The following CNTNAP5 variants were observed in gnomAD, a reference collection of about 807,000 sequenced individuals.
CNTNAP5 encodes contactin associated protein family member 5.
A neutral mutation model predicts 150.2 loss-of-function variants in CNTNAP5; 72 were observed. The observed-to-expected ratio is 0.48, with a 90% CI of 0.40 to 0.58. CNTNAP5 has a LOEUF of 0.58. CNTNAP5 is among the 20% of genes least tolerant of loss of function. The pLI is 0.00. For missense variants in CNTNAP5, 1,636 were observed against 1,626.2 expected, an observed-to-expected ratio of 1.01 and a Z score of -0.10; for synonymous variants, 672 against 619.8, an observed-to-expected ratio of 1.08 and a Z score of -1.25.
intron 7 of CNTNAP5, among the ~76,000 whole-genome samples, chr2:124,475,946 T>C (rs1331702641): frequency 6.6e-6 from 1 of 152,068 alleles, no homozygotes; most frequent in Non-Finnish European, 1.5e-5. Context: ...TTTTAAAAAT[T>C]CTCTATTTTC....
chr2:124,546,207 T>C (rs1017616323), intron 10 of CNTNAP5, among the ~76,000 whole-genome samples: 2 of 152,166 alleles, frequency 1.3e-5, no homozygotes, highest in Non-Finnish European at 2.9e-5. Flanking sequence ...TTCATCATAA[T>C]ACAGGCTCAT....
intron 13 of CNTNAP5, among the ~76,000 whole-genome samples, chr2:124,649,113 G>T (rs976781426): frequency 1.3e-5 from 2 of 152,070 alleles, no homozygotes; most frequent in Non-Finnish European, 2.9e-5. Flanking sequence ...TTCTCAAATG[G>T]ATTACACGCT....
intron 3 of CNTNAP5, among the ~76,000 whole-genome samples, chr2:124,283,239 C>T (rs914203690): frequency 5.3e-5 from 8 of 151,662 alleles, no homozygotes; most frequent in Admixed American, 1.3e-4. Flanking sequence ...AGAGCATTTT[C>T]CCCTCAACAT....
intron 22 of CNTNAP5, among the ~76,000 whole-genome samples, chr2:124,907,274 T>C (rs912223968): frequency 1.3e-5 from 2 of 152,068 alleles, no homozygotes; most frequent in Non-Finnish European, 2.9e-5. Context: ...CAGTGTAGCA[T>C]ATTTAGTAAT....
intron 7 of CNTNAP5, among the ~76,000 whole-genome samples, chr2:124,500,665 G>C (rs1379305335): frequency 1.3e-5 from 2 of 152,152 alleles, no homozygotes; most frequent in African/African-American, 4.8e-5. Context: ...CCTGGCTAGA[G>C]TTAGATCAAG....
At position 124,057,309 on chromosome 2, in the gene CNTNAP5, T is replaced by TCTTA. The variant is rs1681877813; in HGVS notation, c.82+31580_82+31583dup. Among the ~76,000 whole-genome samples the TCTTA allele has an allele frequency of 5.4e-5, 8 of 148,020 alleles. No homozygotes were observed. In the South Asian group the frequency reaches 1.5e-3, roughly 28 times the overall value. On this transcript the variant is annotated intron_variant, in intron 1 of 23. Transcript: ENST00000682447. ...TTTTTTTTTTTTTTTTGAGGTGGAG[T>TCTTA]CTTACTCTGTCACCCAGGCTGGAGT...
intron 13 of CNTNAP5, among the ~76,000 whole-genome samples, chr2:124,699,794 TTCTTTCTTTCTTTC>T (rs1679481572): frequency 1.3e-5 from 2 of 151,998 alleles, no homozygotes; most frequent in African/African-American, 4.8e-5. Flanking sequence ...TTTCTTTCTT[TTCTTTCTTTCTTTC>T]TCTTTCTTTC....
chr2:124,792,375 T>C (rs1218692682), intron 18 of CNTNAP5, among the ~76,000 whole-genome samples: 2 of 152,216 alleles, frequency 1.3e-5, no homozygotes, highest in East Asian at 3.9e-4. Context: ...ACTTGCTAAA[T>C]GTCAGATTTG....
chr2:124,572,316 G>T (rs901854576), intron 11 of CNTNAP5, among the ~76,000 whole-genome samples: 6 of 152,056 alleles, frequency 3.9e-5, no homozygotes, highest in Non-Finnish European at 7.4e-5. Flanking sequence ...CCTGAGGGTG[G>T]TGGGGTGGGA....
At chr2:124,659,469 T>A (rs1471245323) in intron 13 of CNTNAP5, among the ~76,000 whole-genome samples, 1 of 152,244 alleles carries the variant, frequency 6.6e-6, no homozygotes, top group African/African-American at 2.4e-5. Flanking sequence ...TCCCCCACTC[T>A]GCCACTTATT....
chr2:124,101,864 A>G (rs1381700953), intron 1 of CNTNAP5, among the ~76,000 whole-genome samples: 1 of 152,190 alleles, frequency 6.6e-6, no homozygotes, highest in Non-Finnish European at 1.5e-5. Flanking sequence ...CTCCAAATAG[A>G]AAAGGTTGAT....
intron 12 of CNTNAP5, among the ~76,000 whole-genome samples, chr2:124,630,475 C>A (rs1309481245): frequency 6.6e-6 from 1 of 152,152 alleles, no homozygotes; most frequent in African/African-American, 2.4e-5. Flanking sequence ...ATAAAAACCA[C>A]ATGATTATCT....
chr2:124,259,219 G>A (rs1687392410), intron 3 of CNTNAP5, among the ~76,000 whole-genome samples: 1 of 152,048 alleles, frequency 6.6e-6, no homozygotes, highest in South Asian at 2.1e-4. Flanking sequence ...AGTATTCCAT[G>A]GTGTATATGT....
intron 2 of CNTNAP5, among the ~76,000 whole-genome samples, chr2:124,234,131 C>T (rs931359303): frequency 6.6e-6 from 1 of 151,938 alleles, no homozygotes; most frequent in Non-Finnish European, 1.5e-5. Context: ...TTTCCATATG[C>T]CTAAAAACAG....
At chr2:124,613,342 A>G (rs947413928) in intron 12 of CNTNAP5, among the ~76,000 whole-genome samples, 10 of 152,176 alleles carry the variant, frequency 6.6e-5, no homozygotes, top group East Asian at 1.9e-4. Context: ...TAATCCCAGA[A>G]TGGGTGTCCA....
At chr2:124,537,923 G>A (rs536022795) in intron 10 of CNTNAP5, among the ~76,000 whole-genome samples, 98 of 152,304 alleles carry the variant, frequency 6.4e-4, no homozygotes, top group African/African-American at 2.2e-3. Flanking sequence ...GGCTGAGCAA[G>A]CCAGGTTGGC....
At chr2:124,655,945 G>GAGAGAGAAAGAA (rs1553427800) in intron 13 of CNTNAP5, among the ~76,000 whole-genome samples, 24 of 55,522 alleles carry the variant, frequency 4.3e-4, no homozygotes, top group South Asian at 7.6e-4. Context: ...GAGAGAGAGA[G>GAGAGAGAAAGAA]AGAAAGAAAG....
chr2:124,432,964 C>T (rs1210678515), intron 4 of CNTNAP5, among the ~76,000 whole-genome samples: 2 of 152,198 alleles, frequency 1.3e-5, no homozygotes, highest in Non-Finnish European at 2.9e-5. Flanking sequence ...ATTGATGTGT[C>T]ATAACTTTGT....
At chr2:124,907,202 G>GA (rs1241852033) in intron 22 of CNTNAP5, among the ~76,000 whole-genome samples, 2 of 152,074 alleles carry the variant, frequency 1.3e-5, no homozygotes, top group Non-Finnish European at 2.9e-5. Context: ...GGTTTGCAAT[G>GA]TTCAGAAGAC....
Sources: allele counts gnomAD v4.1 joint callset (sites outside exome capture counted in the v4.1 genomes callset), GRCh38; gene constraint gnomAD v4.1.1; transcripts MANE v1.5; gene names NCBI Gene and HGNC (gene_info 2026-07-23, HGNC 2026-07-21).